TTBK2: variants seen among roughly 807,000 people sequenced by gnomAD.
TTBK2 encodes tau tubulin kinase 2, also known as tau-tubulin kinase 2.
Under a neutral mutation model 110.8 loss-of-function variants are expected in TTBK2, and 28 were observed. The ratio of observed to expected loss-of-function variants is 0.25; its 90% CI spans 0.19 to 0.35. The LOEUF is 0.35. Ranked by LOEUF, TTBK2 falls within the 10% of genes least tolerant of loss-of-function variation. The probability of loss-of-function intolerance (pLI) is 1.00; values close to 1 mark genes in which losing one functional copy is unlikely to be tolerated. For synonymous variants in TTBK2, 532 were observed against 527.3 expected, an observed-to-expected ratio of 1.01 and a Z score of -0.12; for missense variants, 1,369 against 1,500.3, an observed-to-expected ratio of 0.91 and a Z score of 1.45.
chr15:42,794,292 G>A (rs1473662287), intron 10 of TTBK2, among the ~76,000 whole-genome samples: 3 of 152,010 alleles, frequency 2.0e-5, no homozygotes, highest in African/African-American at 7.3e-5. Flanking sequence ...ACTAAACTTT[G>A]GCACAGTATA....
Position 42,777,133 on chromosome 15 carries a change from T to G in TTBK2, c.1307A>C (p.Asp436Ala). 6.2e-7 allele frequency: 1 copy of G among 1,614,242 alleles called. No homozygotes were observed. Among genetic ancestry groups the G allele is most frequent in the Non-Finnish European group, 8.5e-7 (1 of 1,180,048 alleles). ...VRSEITQPDR[D>A]IPLVRKLRSI... is the part of the protein sequence containing the mutation. ...ACGTAACTTTCGCACCAGTGGAATA[T>G]CTCTGTCTGGCTGAGTAATCTCTGA... Residue 436 changes from aspartate to alanine, a missense_variant, in exon 12 of 15, where the codon GAT becomes GCT. By Grantham distance (126) the Asp-to-Ala change is moderately radical. Around this residue, in one of 4 missense-constraint regions of TTBK2, gnomAD observed 1,097 missense variants for 1,114.7 expected, o/e 0.98. Coordinates refer to ENST00000267890, the MANE Select transcript of TTBK2 (RefSeq NM_173500.4).
At chr15:42,893,381 A>G (rs1014492603) in intron 1 of TTBK2, among the ~76,000 whole-genome samples, 3 of 152,066 alleles carry the variant, frequency 2.0e-5, no homozygotes, top group African/African-American at 7.2e-5. Context: ...CTGTAGTCCT[A>G]GCTACTCAAG....
At chr15:42,890,930 G>T (rs184008832) in intron 1 of TTBK2, among the ~76,000 whole-genome samples, 1 of 152,082 alleles carries the variant, frequency 6.6e-6, no homozygotes, top group African/African-American at 2.4e-5. Flanking sequence ...GTGCACTGGC[G>T]CAATCTTGGC....
chr15:42,901,650 T>G (rs1489455149), intron 1 of TTBK2, among the ~76,000 whole-genome samples: 1 of 151,510 alleles, frequency 6.6e-6, no homozygotes, highest in South Asian at 2.1e-4. Context: ...TAAAAAAAAT[T>G]TAAAACTTTT....
intron 2 of TTBK2, among the ~76,000 whole-genome samples, chr15:42,875,356 G>A (rs1894776904): frequency 6.6e-6 from 1 of 152,160 alleles, no homozygotes; most frequent in Non-Finnish European, 1.5e-5. Context: ...AAGGTCTGTG[G>A]AAGATTGTAT....
chr15:42,792,737 G>GCACT (rs1890749416), intron 10 of TTBK2, among the ~76,000 whole-genome samples: 1 of 152,128 alleles, frequency 6.6e-6, no homozygotes, highest in Admixed American at 6.6e-5. Flanking sequence ...GAAAGATACT[G>GCACT]CACTAGGATT....
At chr15:42,860,433 T>C (rs1470679161) in intron 3 of TTBK2, among the ~76,000 whole-genome samples, 2 of 151,052 alleles carry the variant, frequency 1.3e-5, no homozygotes, top group Non-Finnish European at 2.9e-5. Flanking sequence ...AAGCCTTACC[T>C]ATAGAGGAAC....
chr15:42,829,991 C>T lies in TTBK2; in HGVS notation c.379G>A (p.Glu127Lys). ...TTLRLGRQIL[E>K]SIESIHSVGF... Reference sequence around the variant, plus strand: ...ACAGAATGAATGCTTTCAATAGACTCCAAAATCTGTCTACCCAGCCGGAGA... The same window carrying T: ...ACAGAATGAATGCTTTCAATAGACTTCAAAATCTGTCTACCCAGCCGGAGA... Residue 127 changes from glutamate to lysine, a missense_variant, in exon 5 of 15, where the codon GAG becomes AAG. Around this residue, in one of 4 missense-constraint regions of TTBK2, gnomAD observed 122 missense variants for 159.7 expected, o/e 0.76. Transcript: ENST00000267890. The T allele has an allele frequency of 6.2e-7, 1 of 1,614,098 alleles. No homozygotes were observed. Among genetic ancestry groups the T allele is most frequent in the Non-Finnish European group, 8.5e-7 (1 of 1,180,016 alleles).
intron 6 of TTBK2, among the ~76,000 whole-genome samples, chr15:42,823,326 C>G (rs1173786911): frequency 6.6e-6 from 1 of 152,112 alleles, no homozygotes; most frequent in East Asian, 1.9e-4. Context: ...AGAAGTTCAA[C>G]TATGAAATTA....
chr15:42,913,429 G>A (rs1362831533), intron 1 of TTBK2, among the ~76,000 whole-genome samples: 3 of 152,000 alleles, frequency 2.0e-5, no homozygotes, highest in African/African-American at 7.3e-5. Flanking sequence ...CACGGGGTCA[G>A]GAGATCGAGA....
chr15:42,763,578 A>C (rs1484042998), intron 13 of TTBK2, among the ~76,000 whole-genome samples: 1 of 152,106 alleles, frequency 6.6e-6, no homozygotes, highest in Non-Finnish European at 1.5e-5. Context: ...CAAAGAAATG[A>C]TAAACGTTTG....
intron 1 of TTBK2, among the ~76,000 whole-genome samples, chr15:42,879,209 C>T (rs918450128): frequency 6.6e-6 from 1 of 151,940 alleles, no homozygotes; most frequent in Non-Finnish European, 1.5e-5. Context: ...GAACAGCATA[C>T]CTGTAGAAAA....
chr15:42,752,130 C>T lies in TTBK2; in HGVS notation c.3116G>A (p.Ser1039Asn). ...DSHLSRSAED[S>N]FLSPIISQSR... ...CTGGGAGATGATGGGTGACAGAAAG[C>T]TATCTTCAGCTGACCTACTCAGGTG... The change falls in exon 14 of 15, where the codon AGC becomes AAC. Residue 1039 changes from serine (S) to asparagine (N), a missense_variant. Physicochemically the swap from Ser to Asn is conservative, Grantham distance 46 (BLOSUM62 1). Coordinates refer to ENST00000267890, the MANE Select transcript of TTBK2 (RefSeq NM_173500.4). The T allele has an allele frequency of 6.2e-7, 1 of 1,614,216 alleles. No homozygotes were observed. Among genetic ancestry groups the T allele is most frequent in the Non-Finnish European group, 8.5e-7 (1 of 1,180,036 alleles).
At chr15:42,845,005 T>G (rs1307146157) in intron 3 of TTBK2, among the ~76,000 whole-genome samples, 4 of 152,184 alleles carry the variant, frequency 2.6e-5, no homozygotes, top group Non-Finnish European at 5.9e-5. Flanking sequence ...TAATACAGTA[T>G]GAGTTCTATA....
At chr15:42,815,946 A>ATT (rs67175582) in intron 7 of TTBK2, among the ~76,000 whole-genome samples, 3 of 24,586 alleles carry the variant, frequency 1.2e-4, no homozygotes, top group African/African-American at 5.3e-4. Context: ...ATATATATAT[A>ATT]TTTAAAAAAA....
intron 9 of TTBK2, 174 bp from the exon 10 acceptor site, chr15:42,794,975 T>A: frequency 2.7e-6 from 2 of 736,528 alleles, no homozygotes; most frequent in South Asian, 3.2e-5. Context: ...TGATAGTGAA[T>A]TAATGTTGAT....
rs2061890175 is a variant in TTBK2, at chr15:42,752,978, T to C, written c.2268A>G (p.Pro756=). The C allele has an allele frequency of 6.2e-7, 1 of 1,614,144 alleles. No individual in the cohort carries two copies. Among genetic ancestry groups the C allele is most frequent in the Non-Finnish European group, 8.5e-7 (1 of 1,180,050 alleles). The change falls in exon 14 of 15, where the codon CCA becomes CCG. Residue 756 remains proline (P), a synonymous_variant. Transcript: ENST00000267890. ...GTCTATTATGATCAGGAAGTTCTTT[T>C]GGTCCCAGGTCTTGAGATTTGTTAC... The part of the protein sequence containing the change: ...RESNKSQDLG[P]KELPDHNRLV...
intron 1 of TTBK2, among the ~76,000 whole-genome samples, chr15:42,916,513 G>A (rs1213764635): frequency 1.3e-5 from 2 of 152,048 alleles, no homozygotes; most frequent in Non-Finnish European, 2.9e-5. Context: ...TTTTAGTTGG[G>A]ATGCGGTTTC....
intron 2 of TTBK2, 24 bp downstream of exon 2, chr15:42,878,525 A>ACT: frequency 1.2e-6 from 2 of 1,609,980 alleles, no homozygotes; most frequent in South Asian, 2.2e-5. Context: ...ACACACACAC[A>ACT]CACTCTCTGA....
Sources: gnomAD v4.1 joint callset for allele counts (sites outside exome capture counted in the v4.1 genomes callset) on GRCh38, gnomAD v4.1.1 for gene constraint, gnomAD v4.1.1 regional missense constraint, MANE v1.5 for transcripts, NCBI Gene and HGNC (gene_info 2026-07-23, HGNC 2026-07-21) for gene names.